The following SLC8A1 variants were observed in gnomAD, a reference collection of about 807,000 sequenced individuals.
SLC8A1 encodes solute carrier family 8 member A1.
SLC8A1 carries 18 observed loss-of-function variants against 68.3 expected under a neutral mutation model. The observed-to-expected ratio is 0.26, with a 90% confidence interval of 0.18 to 0.39. The LOEUF (loss-of-function observed/expected upper bound fraction) is 0.39. Among genes scored for constraint, SLC8A1 ranks in the 10% least tolerant of loss-of-function variants. The pLI, the probability that SLC8A1 is intolerant of heterozygous loss-of-function variation, is 1.00. For missense variants in SLC8A1, 985 were observed against 1,156.7 expected (o/e 0.85, Z 2.15); for synonymous variants, 475 against 415.5 (o/e 1.14, Z -1.74).
At chr2:40,344,821 AT>A (rs1189516514) in intron 2 of SLC8A1, among the ~76,000 whole-genome samples, 5 of 152,116 alleles carry the variant, frequency 3.3e-5, no homozygotes, top group African/African-American at 9.7e-5. Flanking sequence ...AATCTTAAGA[AT>A]TCATGGACCT....
At chr2:40,350,093 G>A (rs1039137264) in intron 2 of SLC8A1, among the ~76,000 whole-genome samples, 3 of 152,092 alleles carry the variant, frequency 2.0e-5, no homozygotes, top group Middle Eastern at 6.8e-3. Context: ...TTCCTTACTT[G>A]GATGTTTGTG....
At chr2:40,097,600 G>T (rs1040610464) in exon 8 of SLC8A1, 2 of 151,896 alleles carry the variant, frequency 1.3e-5, no homozygotes, top group African/African-American at 4.8e-5. Flanking sequence ...TGTTTGTTAG[G>T]ACACACCTTG....
chr2:40,377,819 C>T (rs1680416208), intron 2 of SLC8A1, among the ~76,000 whole-genome samples: 1 of 152,112 alleles, frequency 6.6e-6, no homozygotes, highest in Non-Finnish European at 1.5e-5. Flanking sequence ...TAGAGCCCTA[C>T]AAAGTTTCTG....
At chr2:40,507,378 C>T (rs554705583) in intron 1 of SLC8A1, among the ~76,000 whole-genome samples, 44 of 152,056 alleles carry the variant, frequency 2.9e-4, no homozygotes, top group South Asian at 1.7e-3. Context: ...AATGTCTACT[C>T]AACACTTTGG....
At chr2:40,224,353 C>T (rs1390512681) in intron 2 of SLC8A1, among the ~76,000 whole-genome samples, 2 of 152,070 alleles carry the variant, frequency 1.3e-5, no homozygotes, top group Non-Finnish European at 2.9e-5. Flanking sequence ...TTGGAATCTG[C>T]TCAACGCTAA....
At chr2:40,496,902 T>C (rs957703740) in intron 1 of SLC8A1, among the ~76,000 whole-genome samples, 1 of 121,166 alleles carries the variant, frequency 8.3e-6, no homozygotes, top group Non-Finnish European at 1.6e-5. Context: ...GGAAGGGGAA[T>C]ATCACACTCT....
intron 1 of SLC8A1, among the ~76,000 whole-genome samples, chr2:40,509,232 G>A (rs1386240838): frequency 6.6e-6 from 1 of 152,062 alleles, no homozygotes. Flanking sequence ...AATACCAGGT[G>A]AACTGGATCC....
intron 2 of SLC8A1, among the ~76,000 whole-genome samples, chr2:40,405,722 G>A (rs1006938723): frequency 1.3e-5 from 2 of 152,122 alleles, no homozygotes; most frequent in African/African-American, 4.8e-5. Flanking sequence ...GAGTTCCAGT[G>A]TTTATGCTTG....
At chr2:40,383,011 A>T (rs1393991782) in intron 2 of SLC8A1, among the ~76,000 whole-genome samples, 1 of 152,128 alleles carries the variant, frequency 6.6e-6, no homozygotes, top group East Asian at 1.9e-4. Context: ...TATTGTTGAC[A>T]TATAAATGTG....
chr2:40,177,009 C>T (rs1044587285), intron 3 of SLC8A1, among the ~76,000 whole-genome samples: 19 of 151,578 alleles, frequency 1.3e-4, no homozygotes, highest in Non-Finnish European at 1.9e-4. Context: ...TCAGCAAAAT[C>T]GGCATAATCT....
chr2:40,123,898 G>C (rs1032938529), intron 7 of SLC8A1, among the ~76,000 whole-genome samples: 2 of 152,096 alleles, frequency 1.3e-5, no homozygotes, highest in African/African-American at 4.8e-5. Context: ...ACAATCTAGG[G>C]CTGCCCTGCA....
At chr2:40,144,744 A>AG (rs2042146319) in intron 6 of SLC8A1, among the ~76,000 whole-genome samples, 1 of 152,194 alleles carries the variant, frequency 6.6e-6, no homozygotes, top group Admixed American at 6.5e-5. Context: ...AGGTAAAAGC[A>AG]GGGGATCATG....
chr2:40,316,439 C>T (rs1478779064), intron 2 of SLC8A1, among the ~76,000 whole-genome samples: 2 of 151,984 alleles, frequency 1.3e-5, no homozygotes, highest in East Asian at 3.9e-4. Flanking sequence ...CGTATAGGAA[C>T]ACAAAATTTG....
At chr2:40,263,147 T>C (rs1387637682) in intron 2 of SLC8A1, among the ~76,000 whole-genome samples, 3 of 152,234 alleles carry the variant, frequency 2.0e-5, no homozygotes, top group Admixed American at 1.3e-4. Context: ...TGAGGATGAC[T>C]GAAGCCATGC....
intron 2 of SLC8A1, among the ~76,000 whole-genome samples, chr2:40,412,470 T>C (rs1692460580): frequency 6.6e-6 from 1 of 152,178 alleles, no homozygotes; most frequent in African/African-American, 2.4e-5. Context: ...ATAGCATTCA[T>C]TGCCATAAAT....
chr2:40,329,450 T>C (rs1388188175), intron 2 of SLC8A1, among the ~76,000 whole-genome samples: 2 of 152,220 alleles, frequency 1.3e-5, no homozygotes, highest in African/African-American at 4.8e-5. Flanking sequence ...AACTTCCTCT[T>C]GCTGTTTGTT....
chr2:40,458,511 C>T (rs1471245649), intron 1 of SLC8A1, among the ~76,000 whole-genome samples: 4 of 152,150 alleles, frequency 2.6e-5, no homozygotes, highest in Admixed American at 2.0e-4. Flanking sequence ...TTTGGCCTCT[C>T]TCCAGTGCAA....
At chr2:40,326,667 T>C (rs1172984419) in intron 2 of SLC8A1, among the ~76,000 whole-genome samples, 1 of 152,146 alleles carries the variant, frequency 6.6e-6, no homozygotes, top group East Asian at 1.9e-4. Context: ...ATGAAACAAA[T>C]TTCTGGTACT....
exon 2 of SLC8A1, chr2:40,429,983 T>A (rs779494411): frequency 1.2e-6 from 2 of 1,613,700 alleles, no homozygotes; most frequent in Non-Finnish European, 1.7e-6. Context: ...ATAGAGGACA[T>A]GAACCGATCA....
Sources: allele counts gnomAD v4.1 joint callset (sites outside exome capture counted in the v4.1 genomes callset), GRCh38; gene constraint gnomAD v4.1.1; transcripts MANE v1.5; gene names NCBI Gene and HGNC (gene_info 2026-07-23, HGNC 2026-07-21).